The following MYO1H variants were observed in gnomAD, a reference collection of about 807,000 sequenced individuals.
The protein encoded by MYO1H is myosin IH.
MYO1H carries 118 observed loss-of-function variants against 149.3 expected under a neutral mutation model. That is an observed-to-expected ratio of 0.79 (90% confidence interval 0.68 to 0.92). MYO1H has a LOEUF of 0.92. Ranked by LOEUF, MYO1H falls within the 40% of genes least tolerant of loss-of-function variation. The probability of loss-of-function intolerance (pLI) is 0.00; values close to 1 mark genes in which losing one functional copy is unlikely to be tolerated. For missense variants in MYO1H, 1,212 were observed against 1,280.7 expected (o/e 0.95, Z 0.82); for synonymous variants, 447 against 465.2 (o/e 0.96, Z 0.50).
intron 2 of MYO1H, among the ~76,000 whole-genome samples, chr12:109,390,930 A>G (rs1194208192): frequency 6.6e-6 from 1 of 152,166 alleles, no homozygotes; most frequent in Non-Finnish European, 1.5e-5. Flanking sequence ...AGCCTCCCAG[A>G]GTCCTGGGAT....
the MYO1H span, among the ~76,000 whole-genome samples, chr12:109,332,390 T>G: frequency 6.6e-6 from 1 of 152,154 alleles, no homozygotes; most frequent in African/African-American, 2.4e-5. Flanking sequence ...GCATTTTGGA[T>G]GAAGGGGGCC....
intron 1 of MYO1H, among the ~76,000 whole-genome samples, chr12:109,379,446 T>C (rs1869154352): frequency 6.6e-6 from 1 of 152,214 alleles, no homozygotes; most frequent in South Asian, 2.1e-4. Flanking sequence ...CGTTTTTTGC[T>C]ATTGGTTTCT....
At chr12:109,354,630 A>AGAAAAAAG (rs1555247915) in intron 1 of MYO1H, among the ~76,000 whole-genome samples, 13 of 134,014 alleles carry the variant, frequency 9.7e-5, no homozygotes, top group African/African-American at 3.8e-4. Flanking sequence ...AAAAAAAAAA[A>AGAAAAAAG]AAAAGAAAAG....
chr12:109,428,339 G>A (rs544954959), intron 19 of MYO1H, among the ~76,000 whole-genome samples: 52 of 152,222 alleles, frequency 3.4e-4, no homozygotes, highest in African/African-American at 1.1e-3. Context: ...TAGCGGTGGG[G>A]ACATGGGTTT....
chr12:109,331,771 A>G, the MYO1H span, among the ~76,000 whole-genome samples: 2 of 152,334 alleles, frequency 1.3e-5, no homozygotes, highest in Non-Finnish European at 2.9e-5. Flanking sequence ...ACAGCTTGAA[A>G]ATGTAGCTCC....
rs1413387801 is a variant in MYO1H at position 109,349,833 on chromosome 12, T to C, written c.12+1861T>C. On this transcript the variant is annotated intron_variant, in intron 1 of 31. Transcript: ENST00000310903. The stretch of plus-strand genomic sequence containing the variant: ...AAAATTAGCCGGGCGTGGTAGGGGG[T>C]GCCTATAGTCCCAGCTACTCGGGAG... Among the ~76,000 whole-genome samples the C allele has an allele frequency of 9.3e-5, 14 of 150,598 alleles. No homozygotes were observed. In the South Asian group the frequency reaches 1.5e-3, roughly 16 times the overall value.
the MYO1H span, among the ~76,000 whole-genome samples, chr12:109,324,101 G>A: frequency 6.6e-6 from 1 of 152,068 alleles, no homozygotes; most frequent in Non-Finnish European, 1.5e-5. Context: ...CAAGGCTGGG[G>A]TGGGAGTGAC....
the MYO1H span, among the ~76,000 whole-genome samples, chr12:109,316,926 A>C: frequency 2.0e-5 from 3 of 152,210 alleles, no homozygotes; most frequent in Non-Finnish European, 4.4e-5. Flanking sequence ...TTGTGCTTAG[A>C]TTCCATTTGA....
chr12:109,422,174 T>C (rs1400042907), intron 16 of MYO1H, among the ~76,000 whole-genome samples: 3 of 152,226 alleles, frequency 2.0e-5, no homozygotes, highest in African/African-American at 2.4e-5. Flanking sequence ...AACTGTTTTG[T>C]GCAAAATTAG....
chr12:109,325,128 C>T, the MYO1H span, among the ~76,000 whole-genome samples: 1 of 152,280 alleles, frequency 6.6e-6, no homozygotes, highest in East Asian at 1.9e-4. Flanking sequence ...CATTGCTGGG[C>T]ATTTGGGTTG....
the MYO1H span, among the ~76,000 whole-genome samples, chr12:109,329,033 C>CT: frequency 7.4e-3 from 983 of 132,002 alleles, 8 homozygotes; most frequent in Middle Eastern, 0.024. Context: ...TCTTTTTTTT[C>CT]TTTTTTTTTT....
Position 109,426,063 on chromosome 12 carries a change from ATCATTATGAACTGGGC to A in MYO1H, c.1831+16_1831+31del. 1 of 1,597,538 alleles carries A rather than the reference ATCATTATGAACTGGGC, an allele frequency of 6.3e-7. No individual in the cohort carries two copies. Among genetic ancestry groups the A allele is most frequent in the Non-Finnish European group, 8.6e-7 (1 of 1,165,524 alleles). ...CAGGAAAGAACCCAGTGAGTTGTGG[ATCATTATGAACTGGGC>A]TCAGGGAAAGGAGGCTGGGAGCCAA... On this transcript the variant is annotated intron_variant, in intron 18 of 31. Transcript: ENST00000310903.
the MYO1H span, among the ~76,000 whole-genome samples, chr12:109,324,734 A>G: frequency 6.6e-6 from 1 of 151,260 alleles, no homozygotes; most frequent in African/African-American, 2.4e-5. Flanking sequence ...TTTAAGTTCC[A>G]GGATACGTTT....
the MYO1H span, among the ~76,000 whole-genome samples, chr12:109,316,317 TAGAGA>T: frequency 6.6e-6 from 1 of 152,192 alleles, no homozygotes; most frequent in African/African-American, 2.4e-5. Context: ...AAGAACTGCT[TAGAGA>T]ACTTTCTTTC....
In MYO1H at chr12:109,439,763, G is replaced by A; in HGVS notation, c.2427G>A (p.Trp809Ter). The A allele has an allele frequency of 2.5e-6, 4 of 1,613,874 alleles. No homozygotes were observed. The Admixed American group carries it at 5.0e-5, about 20-fold the overall frequency. The change falls in exon 24 of 32, where the codon TGG becomes TGA. Residue 809 changes from tryptophan (W) to a stop codon, truncating the protein, a stop_gained. Coordinates refer to ENST00000310903, the Ensembl canonical transcript of MYO1H. LOFTEE classifies it high-confidence loss of function. Reference sequence around the variant, plus strand: ...CAAAGACTGTCCTGGACAAGAGCTGGCTGAGGCCTCCTGGCATCTTGGAAA... The same window carrying A: ...CAAAGACTGTCCTGGACAAGAGCTGACTGAGGCCTCCTGGCATCTTGGAAA...
At chr12:109,406,931 T>C (rs1310551070) in intron 9 of MYO1H, 71 bp downstream of exon 9, 1 of 1,437,612 alleles carries the variant, frequency 7.0e-7, no homozygotes, top group African/African-American at 1.4e-5. Flanking sequence ...AACAGCAGGG[T>C]GGTGGCCTCA....
chr12:109,425,399 C>A (rs1871318148), intron 17 of MYO1H, among the ~76,000 whole-genome samples: 1 of 152,168 alleles, frequency 6.6e-6, no homozygotes, highest in African/African-American at 2.4e-5. Flanking sequence ...ATTCATGTTC[C>A]AAGTTTAGTC....
intron 1 of MYO1H, among the ~76,000 whole-genome samples, chr12:109,388,327 C>T (rs911269443): frequency 2.0e-5 from 3 of 152,256 alleles, no homozygotes; most frequent in African/African-American, 4.8e-5. Flanking sequence ...CGTCTTTTGG[C>T]AGATTTTGGG....
At chr12:109,401,065 C>G (rs1175731114) in intron 5 of MYO1H, 28 bp from the exon 6 acceptor site, 2 of 1,604,708 alleles carry the variant, frequency 1.2e-6, no homozygotes, top group Middle Eastern at 1.7e-4. Flanking sequence ...ATTGTTGTCA[C>G]TGCTGCAATT....
Sources: allele counts gnomAD v4.1 joint callset (sites outside exome capture counted in the v4.1 genomes callset), GRCh38; gene constraint gnomAD v4.1.1; transcripts MANE v1.5; gene names NCBI Gene and HGNC (gene_info 2026-07-23, HGNC 2026-07-21).